Variants in TAC3 observed in about 807,000 individuals in gnomAD.
TAC3 encodes tachykinin precursor 3.
A neutral mutation model predicts 16.5 loss-of-function variants in TAC3; 9 were observed. The observed-to-expected ratio is 0.55, with a 90% CI of 0.33 to 0.95. The LOEUF is 0.95. Among genes scored for constraint, TAC3 ranks in the 40% least tolerant of loss-of-function variants. The probability of loss-of-function intolerance (pLI) is 0.03; values close to 1 mark genes in which losing one functional copy is unlikely to be tolerated. For missense variants in TAC3, 129 were observed against 149.1 expected (o/e 0.87, Z 0.70); for synonymous variants, 52 against 56.7 (o/e 0.92, Z 0.37).
chr12:57,013,783 T>G, intron 2 of TAC3, 112 bp from the exon 3 acceptor site: 1 of 923,588 alleles, frequency 1.1e-6, no homozygotes, highest in South Asian at 1.4e-5. Context: ...GACACCCTAT[T>G]TCTTTCAGAG....
rs1180147373 is a variant in TAC3, at chr12:57,016,374, C to G, written c.-6+13G>C. The G allele has an allele frequency of 2.3e-6, 1 of 440,126 alleles. No individual in the cohort carries two copies. The highest frequency in any genetic ancestry group is 4.6e-6 in the Non-Finnish European group (1 of 216,446). 27.3% of individuals were successfully genotyped at this position (440,126 alleles called of 1,614,324 possible). ...CCAGCTCTGGTCCATCCAGCATTCT[C>G]CCACTTGCCTACCTGTGGAGCAGCT... On this transcript the variant is annotated intron_variant, in intron 1 of 6. Transcript: ENST00000458521.
chr12:57,012,350 T>G, intron 6 of TAC3, 28 bp downstream of exon 6: 11 of 972,884 alleles, frequency 1.1e-5, no homozygotes, highest in African/African-American at 1.7e-5. Flanking sequence ...CCCAGTCCCC[T>G]CTCCCCTCTC....
At chr12:57,015,877 C>T in intron 1 of TAC3, 75 bp from the exon 2 acceptor site, 1 of 1,278,898 alleles carries the variant, frequency 7.8e-7, no homozygotes, top group Non-Finnish European at 1.1e-6. Context: ...ACACAAGAGA[C>T]ATTCATTACC....
At chr12:57,016,136 G>A (rs780582081) in intron 1 of TAC3, among the ~76,000 whole-genome samples, 22 of 152,158 alleles carry the variant, frequency 1.4e-4, no homozygotes, top group Non-Finnish European at 2.8e-4. Flanking sequence ...CTGGAGGAGG[G>A]ATCCTGGATG....
intron 2 of TAC3, among the ~76,000 whole-genome samples, 183 bp from the exon 3 acceptor site, chr12:57,013,854 G>A (rs1482812373): frequency 6.6e-6 from 1 of 152,154 alleles, no homozygotes; most frequent in African/African-American, 2.4e-5. Context: ...TGGACCAACA[G>A]CAACACCAGC....
chr12:57,012,538 C>T (rs866333405), intron 5 of TAC3, 86 bp from the exon 6 acceptor site: 33 of 1,601,078 alleles, frequency 2.1e-5, no homozygotes, highest in African/African-American at 1.7e-4. Flanking sequence ...CTGGCTATGA[C>T]GGGCAGTGTT....
chr12:57,013,680 G>A lies in TAC3; in HGVS notation c.115-9C>T. ...TAGAGATCTGGATCCCTCTAGGGAA[G>A]AAACAAAGAGGGGTGAGGCAGGAGG... On this transcript the variant is annotated splice_polypyrimidine_tract_variant and intron_variant, in intron 2 of 6. Transcript: ENST00000458521. 6.2e-7 allele frequency: 1 copy of A among 1,607,798 alleles called. No homozygotes were observed. The highest frequency in any genetic ancestry group is 8.5e-7 in the Non-Finnish European group (1 of 1,176,420).
At chr12:57,011,804 A>C (rs1565632891) in intron 6 of TAC3, among the ~76,000 whole-genome samples, 1 of 152,214 alleles carries the variant, frequency 6.6e-6, no homozygotes, top group East Asian at 1.9e-4. Context: ...CAGGATTCAC[A>C]TTCAGGCCAT....
chr12:57,012,582 G>C (rs1956315707), intron 5 of TAC3, 130 bp from the exon 6 acceptor site: 1 of 1,599,532 alleles, frequency 6.3e-7, no homozygotes, highest in African/African-American at 1.3e-5. Flanking sequence ...GGTGGAAGCA[G>C]AGTCTCCCTA....
chr12:57,015,342 A>G (rs1427394116), intron 2 of TAC3, among the ~76,000 whole-genome samples: 1 of 152,208 alleles, frequency 6.6e-6, no homozygotes, highest in Non-Finnish European at 1.5e-5. Flanking sequence ...TGTCCCTTGC[A>G]AAGGGACCTG....
In TAC3 at chr12:57,013,358, C is replaced by G; in HGVS notation, c.238+1G>C. The stretch of plus-strand genomic sequence containing the variant: ...ATAGGGAGGGAGAAGAGGGTACTTA[C>G]GTTTCTCGGGAGATGTTGATTCCTT... On this transcript the variant is annotated splice_donor_variant, in intron 4 of 6. Transcript: ENST00000458521. LOFTEE classifies it high-confidence loss of function. 6.2e-7 allele frequency: 1 copy of G among 1,613,982 alleles called. No individual in the cohort carries two copies. The highest frequency in any genetic ancestry group is 8.5e-7 in the Non-Finnish European group (1 of 1,179,908).
At chr12:57,013,462 C>T (rs1956329986) in intron 3 of TAC3, 74 bp from the exon 4 acceptor site, 1 of 1,597,354 alleles carries the variant, frequency 6.3e-7, no homozygotes, top group East Asian at 2.2e-5. Flanking sequence ...CAGATCACAA[C>T]CCTCACCGAT....
intron 2 of TAC3, 92 bp from the exon 3 acceptor site, chr12:57,013,763 T>A: frequency 8.5e-6 from 9 of 1,060,426 alleles, no homozygotes; most frequent in Non-Finnish European, 1.3e-5. Context: ...CCTGAGCCCA[T>A]CCTGAATCCG....
intron 2 of TAC3, among the ~76,000 whole-genome samples, 181 bp downstream of exon 2, chr12:57,015,503 C>T (rs1406286538): frequency 6.6e-6 from 1 of 152,178 alleles, no homozygotes; most frequent in Admixed American, 6.5e-5. Context: ...GATACAGAGA[C>T]ACAAACACAC....
At chr12:57,016,333 C>T (rs1956374348) in intron 1 of TAC3, 54 bp downstream of exon 1, 2 of 399,834 alleles carry the variant, frequency 5.0e-6, no homozygotes, top group African/African-American at 2.0e-5. Flanking sequence ...CTGACGCTGG[C>T]TCCTGTCCCC....
intron 4 of TAC3, 23 bp downstream of exon 4, chr12:57,013,336 G>T (rs1430254440): frequency 1.9e-6 from 3 of 1,613,788 alleles, no homozygotes; most frequent in Non-Finnish European, 2.5e-6. Context: ...GCAAGAGATA[G>T]GGAGGGAGAA....
rs754668279 is a variant in TAC3, at chr12:57,016,450, G to A, written c.-69C>T. 6.6e-5 allele frequency: 30 copies of A among 454,352 alleles called. No homozygotes were observed. The highest frequency in any genetic ancestry group is 2.0e-4 in the African/African-American group (10 of 49,972). 28.1% of individuals were successfully genotyped at this position (454,352 alleles called of 1,614,324 possible). On this transcript the variant is annotated 5_prime_UTR_variant, in exon 1 of 7. Coordinates refer to ENST00000458521, the MANE Select transcript of TAC3 (RefSeq NM_013251.4). Reference sequence around the variant, plus strand: ...CAGGATCAAGGAACTGGCTAGGACCGCTGCCTGCTCCCCTCACACACTGGT... The same window carrying A: ...CAGGATCAAGGAACTGGCTAGGACCACTGCCTGCTCCCCTCACACACTGGT...
intron 6 of TAC3, chr12:57,010,703 A>G (rs552870724): frequency 5.9e-4 from 93 of 157,034 alleles, no homozygotes; most frequent in Middle Eastern, 3.3e-3. Context: ...TCCCAGAGGA[A>G]GCACAGGCCC....
intron 2 of TAC3, among the ~76,000 whole-genome samples, chr12:57,015,016 T>G (rs544221255): frequency 6.6e-6 from 1 of 152,292 alleles, no homozygotes; most frequent in Admixed American, 6.5e-5. Flanking sequence ...CCTGTACCCC[T>G]ACCCTGACAA....
Sources: gnomAD v4.1 joint callset for allele counts (sites outside exome capture counted in the v4.1 genomes callset) on GRCh38, gnomAD v4.1.1 for gene constraint, MANE v1.5 for transcripts, NCBI Gene and HGNC (gene_info 2026-07-23, HGNC 2026-07-21) for gene names.